BLTP3A: variants seen among roughly 807,000 people sequenced by gnomAD.
The protein encoded by BLTP3A is ICBP90 binding protein 1.
chr6:34,854,244 T>A, the BLTP3A span, among the ~76,000 whole-genome samples: 1 of 152,194 alleles, frequency 6.6e-6, no homozygotes, highest in African/African-American at 2.4e-5. Context: ...AAATTAAAAA[T>A]TTTTAATTGT....
chr6:34,809,668 C>G, the BLTP3A span, among the ~76,000 whole-genome samples: 1 of 152,034 alleles, frequency 6.6e-6, no homozygotes, highest in African/African-American at 2.4e-5. Context: ...CGGGTTCAAG[C>G]GATTCTCCTG....
chr6:34,870,084 A>G, the BLTP3A span, among the ~76,000 whole-genome samples: 3 of 152,268 alleles, frequency 2.0e-5, no homozygotes, highest in South Asian at 6.2e-4. Context: ...GACCCCCAAA[A>G]TATCCCTGTA....
At chr6:34,840,581 TAAAATA>T in the BLTP3A span, among the ~76,000 whole-genome samples, 1 of 150,824 alleles carries the variant, frequency 6.6e-6, no homozygotes, top group East Asian at 2.0e-4. Context: ...AATAAATAAA[TAAAATA>T]AAAATAAATA....
chr6:34,845,728 C>G, the BLTP3A span, among the ~76,000 whole-genome samples: 1 of 152,008 alleles, frequency 6.6e-6, no homozygotes, highest in Admixed American at 6.6e-5. Flanking sequence ...TCCTGAGTAG[C>G]TGAGACTACA....
chr6:34,808,195 T>C, the BLTP3A span, among the ~76,000 whole-genome samples: 16 of 151,582 alleles, frequency 1.1e-4, no homozygotes, highest in African/African-American at 3.6e-4. Context: ...AATACCAAAT[T>C]AGCTGGGCGT....
chr6:34,859,209 T>C, the BLTP3A span: 19 of 1,613,784 alleles, frequency 1.2e-5, no homozygotes, highest in South Asian at 6.6e-5. Flanking sequence ...CACATAGCAA[T>C]GGAGAACTGC....
the BLTP3A span, chr6:34,856,521 G>C: frequency 2.2e-6 from 3 of 1,391,246 alleles, no homozygotes; most frequent in Non-Finnish European, 2.9e-6. Flanking sequence ...GTATGTAATG[G>C]AGAGACATCA....
At chr6:34,872,344 T>G in the BLTP3A span, 2 of 1,611,258 alleles carry the variant, frequency 1.2e-6, no homozygotes, top group Non-Finnish European at 1.7e-6. Flanking sequence ...CAAAAAGAAC[T>G]TATAGAAACT....
the BLTP3A span, chr6:34,792,232 C>T: frequency 2.0e-6 from 3 of 1,533,570 alleles, no homozygotes; most frequent in African/African-American, 1.4e-5. Flanking sequence ...CCGCCTTCCA[C>T]GCGGGCCGCG....
At chr6:34,794,788 TTG>T in the BLTP3A span, among the ~76,000 whole-genome samples, 2 of 120,774 alleles carry the variant, frequency 1.7e-5, no homozygotes, top group Non-Finnish European at 3.3e-5. Flanking sequence ...TAGAGTTTTT[TTG>T]TTTTTTTTTT....
chr6:34,846,074 T>C, the BLTP3A span, among the ~76,000 whole-genome samples: 106 of 114,994 alleles, frequency 9.2e-4, no homozygotes, highest in African/African-American at 3.4e-3. Context: ...CTTCCATTTC[T>C]TTTCCCTCCC....
chr6:34,857,929 G>T, the BLTP3A span: 3 of 1,607,558 alleles, frequency 1.9e-6, no homozygotes, highest in Non-Finnish European at 2.6e-6. Context: ...TGAGGGGAGA[G>T]TGTGACTTTT....
the BLTP3A span, chr6:34,859,377 G>A: frequency 6.2e-7 from 1 of 1,614,146 alleles, no homozygotes; most frequent in Middle Eastern, 1.6e-4. Context: ...GACAGGGTGA[G>A]CTCATCCCCT....
chr6:34,843,813 C>T, the BLTP3A span, among the ~76,000 whole-genome samples: 1 of 152,136 alleles, frequency 6.6e-6, no homozygotes, highest in Non-Finnish European at 1.5e-5. Flanking sequence ...TTTTGAAGAA[C>T]TTCCATACTG....
chr6:34,861,720 C>A, the BLTP3A span, among the ~76,000 whole-genome samples: 1 of 152,082 alleles, frequency 6.6e-6, no homozygotes, highest in Non-Finnish European at 1.5e-5. Context: ...TGATATTTTC[C>A]CATTCATTAG....
At chr6:34,857,770 T>C in the BLTP3A span, 11 of 1,614,208 alleles carry the variant, frequency 6.8e-6, no homozygotes, top group Non-Finnish European at 6.8e-6. Context: ...TGACATTTAC[T>C]ATGGATCCTG....
At chr6:34,871,884 C>A in the BLTP3A span, 8 of 1,614,078 alleles carry the variant, frequency 5.0e-6, no homozygotes, top group East Asian at 1.6e-4. Context: ...CCCAAAAGAA[C>A]AGGTGTTTTT....
chr6:34,870,742 T>G, the BLTP3A span: 4 of 1,361,106 alleles, frequency 2.9e-6, no homozygotes, highest in Non-Finnish European at 4.0e-6. Flanking sequence ...TTCAGTCAGA[T>G]GAGAATGATG....
the BLTP3A span, among the ~76,000 whole-genome samples, chr6:34,803,245 A>AT: frequency 6.6e-6 from 1 of 151,808 alleles, no homozygotes; most frequent in Non-Finnish European, 1.5e-5. Context: ...AAAAAAAAAA[A>AT]GGAATTGAGT....
Sources: allele counts gnomAD v4.1 joint callset (sites outside exome capture counted in the v4.1 genomes callset), GRCh38; gene constraint gnomAD v4.1.1; transcripts MANE v1.5; gene names NCBI Gene and HGNC (gene_info 2026-07-23, HGNC 2026-07-21).